Variants in EYS observed in about 807,000 individuals in gnomAD.
EYS encodes protein eyes shut homolog.
A neutral mutation model predicts 282.1 loss-of-function variants in EYS; 250 were observed. The ratio of observed to expected loss-of-function variants is 0.89; its 90% CI spans 0.80 to 0.98. The LOEUF (loss-of-function observed/expected upper bound fraction) is 0.98. EYS is among the 50% of genes least tolerant of loss of function. The pLI is 0.00. For missense variants in EYS, 4,016 were observed against 3,709.0 expected, an observed-to-expected ratio of 1.08 and a Z score of -2.15; for synonymous variants, 1,355 against 1,282.9, an observed-to-expected ratio of 1.06 and a Z score of -1.20.
intron 2 of EYS, among the ~76,000 whole-genome samples, chr6:65,527,094 G>A (rs1313470884): frequency 6.6e-6 from 1 of 152,102 alleles, no homozygotes; most frequent in African/African-American, 2.4e-5. Context: ...TAAAAACTAA[G>A]TGTCAGTCCA....
chr6:65,026,716 G>T (rs1772419943), intron 13 of EYS, among the ~76,000 whole-genome samples: 1 of 152,126 alleles, frequency 6.6e-6, no homozygotes, highest in South Asian at 2.1e-4. Context: ...AGGAGATCGA[G>T]ACTGTCCTGG....
chr6:65,092,653 C>A (rs1223551711), intron 12 of EYS, among the ~76,000 whole-genome samples: 5 of 152,110 alleles, frequency 3.3e-5, no homozygotes, highest in Non-Finnish European at 7.4e-5. Context: ...GCCGTGATAG[C>A]ATATAGTCAT....
chr6:64,117,618 G>GA (rs1390472926), intron 31 of EYS, among the ~76,000 whole-genome samples: 2 of 150,422 alleles, frequency 1.3e-5, no homozygotes, highest in South Asian at 2.1e-4. Context: ...CTAGAAAAAT[G>GA]AAAAAAATCC....
chr6:65,139,828 C>T (rs1408109860), intron 12 of EYS, among the ~76,000 whole-genome samples: 3 of 152,008 alleles, frequency 2.0e-5, no homozygotes, highest in African/African-American at 4.8e-5. Flanking sequence ...ACAGAAGTGA[C>T]GAGGTATGTC....
chr6:64,142,155 G>A (rs927973465), intron 31 of EYS, among the ~76,000 whole-genome samples: 48 of 152,032 alleles, frequency 3.2e-4, no homozygotes, highest in African/African-American at 1.1e-3. Flanking sequence ...ACCATGGAGG[G>A]ATCCCATGCT....
rs947865705 is a variant in EYS at position 63,897,098 on chromosome 6, T to A, written c.7056-32740A>T. 1.2e-3 allele frequency among the ~76,000 whole-genome samples: 179 copies of A among 152,364 alleles called. 2 individuals are homozygous for A. The highest frequency in any genetic ancestry group is 4.2e-3 in the African/African-American group (174 of 41,590). ...GATGTCGTGATCTCTCCTTTCCTCC[T>A]CATCTGTATTCCACTCACCACAGAT... On this transcript the variant is annotated intron_variant, in intron 35 of 42. Transcript: ENST00000503581.
chr6:64,886,001 G>T (rs530944251), intron 19 of EYS, among the ~76,000 whole-genome samples: 1 of 151,888 alleles, frequency 6.6e-6, no homozygotes, highest in Non-Finnish European at 1.5e-5. Context: ...GATTTGAGAT[G>T]TAAATACATT....
At chr6:65,017,444 T>C (rs1583402131) in intron 13 of EYS, among the ~76,000 whole-genome samples, 1 of 152,202 alleles carries the variant, frequency 6.6e-6, no homozygotes, top group Non-Finnish European at 1.5e-5. Flanking sequence ...CATGTTCATG[T>C]ATGTTCTTTC....
chr6:65,281,981 T>C (rs1238599836), intron 12 of EYS, among the ~76,000 whole-genome samples: 1 of 152,084 alleles, frequency 6.6e-6, no homozygotes, highest in Non-Finnish European at 1.5e-5. Context: ...ATATTTGCTA[T>C]TGTGAATAGT....
At chr6:63,831,612 A>G (rs2149691590) in intron 36 of EYS, among the ~76,000 whole-genome samples, 2 of 152,330 alleles carry the variant, frequency 1.3e-5, no homozygotes, top group South Asian at 4.1e-4. Context: ...CCACATAATA[A>G]TAATGGGAGA....
chr6:65,646,712 G>A (rs1374494304), intron 1 of EYS, among the ~76,000 whole-genome samples: 1 of 152,016 alleles, frequency 6.6e-6, no homozygotes, highest in Non-Finnish European at 1.5e-5. Flanking sequence ...CATCCAATTT[G>A]GTAAAGAGGA....
At chr6:65,191,304 G>A (rs1031130290) in intron 12 of EYS, among the ~76,000 whole-genome samples, 2 of 151,762 alleles carry the variant, frequency 1.3e-5, no homozygotes, top group East Asian at 1.9e-4. Context: ...TGTAAAAAGC[G>A]ATAAGAATAG....
At chr6:64,598,084 T>C (rs1426574107) in intron 24 of EYS, among the ~76,000 whole-genome samples, 1 of 152,118 alleles carries the variant, frequency 6.6e-6, no homozygotes, top group Non-Finnish European at 1.5e-5. Flanking sequence ...AAACATTAAG[T>C]GGAAAAATAT....
At chr6:65,656,664 TGAG>T (rs1398754023) in intron 1 of EYS, among the ~76,000 whole-genome samples, 2 of 151,874 alleles carry the variant, frequency 1.3e-5, no homozygotes, top group Non-Finnish European at 2.9e-5. Flanking sequence ...TGTTTGTTCA[TGAG>T]GTTTACAGAA....
rs184860685 is a variant in EYS, at chr6:65,449,468, T to C, written c.862+41126A>G. ...CTTTCTCAAACCTTATAAATTTCTA[T>C]TGAAATCTGTACAATTGAAAACAAA... On this transcript the variant is annotated intron_variant, in intron 5 of 42. Coordinates refer to ENST00000503581, the MANE Select transcript of EYS (RefSeq NM_001142800.2). Among the ~76,000 whole-genome samples the C allele has an allele frequency of 1.2e-4, 19 of 152,250 alleles. No individual in the cohort carries two copies. In the East Asian group the frequency reaches 3.1e-3, roughly 25 times the overall value.
chr6:65,336,551 A>G, intron 10 of EYS, among the ~76,000 whole-genome samples: 1 of 151,576 alleles, frequency 6.6e-6, no homozygotes, highest in African/African-American at 2.4e-5. Flanking sequence ...TTTAAATAGT[A>G]ACTGATGTGA....
intron 29 of EYS, among the ~76,000 whole-genome samples, chr6:64,355,112 C>A (rs1771781793): frequency 2.0e-5 from 3 of 151,474 alleles, no homozygotes; most frequent in Non-Finnish European, 4.4e-5. Context: ...AGTTAATGTG[C>A]ATACTATATC....
intron 39 of EYS, among the ~76,000 whole-genome samples, chr6:63,783,836 C>T (rs1770296570): frequency 6.6e-6 from 1 of 152,084 alleles, no homozygotes; most frequent in South Asian, 2.1e-4. Context: ...TATGTGCCAA[C>T]CTGACTTGGC....
At chr6:64,740,218 A>T (rs958788800) in intron 22 of EYS, among the ~76,000 whole-genome samples, 1 of 152,164 alleles carries the variant, frequency 6.6e-6, no homozygotes, top group Non-Finnish European at 1.5e-5. Context: ...TACAGTTATG[A>T]GCAGTTCTAA....
Sources: gnomAD v4.1 joint callset for allele counts (sites outside exome capture counted in the v4.1 genomes callset) on GRCh38, gnomAD v4.1.1 for gene constraint, MANE v1.5 for transcripts, NCBI Gene and HGNC (gene_info 2026-07-23, HGNC 2026-07-21) for gene names.